Variants in RNF19A observed in about 807,000 individuals in gnomAD.
RNF19A encodes the protein ring finger protein 19A, RBR E3 ubiquitin protein ligase.
RNF19A carries 32 observed loss-of-function variants against 75.7 expected under a neutral mutation model. The observed-to-expected ratio is 0.42, with a 90% CI of 0.32 to 0.57. The LOEUF (loss-of-function observed/expected upper bound fraction) is 0.57. Ranked by LOEUF, RNF19A falls within the 20% of genes least tolerant of loss-of-function variation. The probability of loss-of-function intolerance (pLI) is 0.10; values close to 1 mark genes in which losing one functional copy is unlikely to be tolerated. For synonymous variants in RNF19A, 335 were observed against 345.2 expected, an observed-to-expected ratio of 0.97 and a Z score of 0.33; for missense variants, 782 against 1,036.3, an observed-to-expected ratio of 0.75 and a Z score of 3.37.
chr8:100,306,935 T>C (rs923317511), intron 1 of RNF19A, among the ~76,000 whole-genome samples: 6 of 152,354 alleles, frequency 3.9e-5, no homozygotes, highest in Non-Finnish European at 7.4e-5. Context: ...TTTTGATAAA[T>C]AGCTTTTAAG....
At position 100,259,867 on chromosome 8, in the gene RNF19A, T is replaced by G; in HGVS notation, c.1813A>C (p.Ile605Leu). Reference sequence around the variant, plus strand: ...TTTTTTCCTTACTTGTCCAATGGGATGTAGGAATTCAGAATGGATCCTGCC... The same window carrying G: ...TTTTTTCCTTACTTGTCCAATGGGAGGTAGGAATTCAGAATGGATCCTGCC... Reference protein sequence around the residue: ...AMAGSILNSYIPLDKEGNSME... With the variant: ...AMAGSILNSYLPLDKEGNSME... Residue 605 changes from isoleucine to leucine, a missense_variant, in exon 9 of 10, where the codon ATC (isoleucine) becomes CTC (leucine). By Grantham distance (5) the Ile-to-Leu change is conservative. This residue lies in a region of RNF19A where 442 missense variants were observed against 541.6 expected (regional missense o/e 0.82). Coordinates refer to ENST00000341084, the MANE Select transcript of RNF19A (RefSeq NM_183419.4). This position sits in a 1 kb window ranked among gnomAD's most constrained non-coding sequence, Gnocchi z 4.5. 6.2e-7 allele frequency: 1 copy of G among 1,612,626 alleles called. No homozygotes were observed. Among genetic ancestry groups the G allele is most frequent in the South Asian group, 1.1e-5 (1 of 90,760 alleles).
intron 1 of RNF19A, among the ~76,000 whole-genome samples, chr8:100,308,869 T>G (rs1822169962): frequency 6.6e-6 from 1 of 152,224 alleles, no homozygotes; most frequent in South Asian, 2.1e-4. Flanking sequence ...CAACAGAACA[T>G]TCTGCAACAC....
intron 1 of RNF19A, among the ~76,000 whole-genome samples, chr8:100,298,450 C>T (rs1821674380): frequency 6.6e-6 from 1 of 152,148 alleles, no homozygotes; most frequent in Admixed American, 6.5e-5. Flanking sequence ...GATAATTCAA[C>T]ATATCATTAG....
intron 1 of RNF19A, among the ~76,000 whole-genome samples, chr8:100,321,759 G>A (rs1822468816): frequency 6.6e-6 from 1 of 152,234 alleles, no homozygotes; most frequent in Non-Finnish European, 1.5e-5. Context: ...GCAGATGGAT[G>A]TTGGGTTAAC....
intron 1 of RNF19A, among the ~76,000 whole-genome samples, chr8:100,334,564 T>A (rs1346409092): frequency 6.6e-5 from 10 of 152,218 alleles, no homozygotes. Context: ...TTAAAAAATA[T>A]GGCTGCTCAC....
chr8:100,279,715 C>T (rs755870561), intron 2 of RNF19A, among the ~76,000 whole-genome samples: 6 of 152,054 alleles, frequency 3.9e-5, no homozygotes, highest in South Asian at 2.1e-4. Context: ...TTAGTAGACA[C>T]GGGGTTTTGC....
rs1820448296 is a variant in RNF19A at position 100,275,221 on chromosome 8, A to G, written c.675-60T>C. ...CATAAAACAAGAGATACTCATTTCA[A>G]AAAGTATCCAACTAAAGATTATTCC... On this transcript the variant is annotated intron_variant, in intron 2 of 9. Transcript: ENST00000341084. The surrounding 1 kb of genome is among the most constrained non-coding windows in gnomAD (Gnocchi z 4.3). 5 of 1,428,224 alleles carry G rather than the reference A, an allele frequency of 3.5e-6. No homozygotes were observed. In the South Asian group the frequency reaches 3.5e-5, roughly 10 times the overall value. The allele number at this position is 1,428,224 out of a possible 1,614,324, so 88.5% of individuals were successfully genotyped here.
chr8:100,296,465 TAGTAA>T (rs1299446481), intron 1 of RNF19A, among the ~76,000 whole-genome samples: 1 of 152,110 alleles, frequency 6.6e-6, no homozygotes, highest in Non-Finnish European at 1.5e-5. Flanking sequence ...TTCTACAGCC[TAGTAA>T]AGTAAAAATA....
Position 100,323,783 on chromosome 8 carries a change from A to G in RNF19A, c.-242-10411T>C, listed in dbSNP as rs1189061208. On this transcript the variant is annotated intron_variant, in intron 1 of 3. Coordinates refer to the RNF19A transcript ENST00000519527. This position sits in a 1 kb window ranked among gnomAD's most constrained non-coding sequence, Gnocchi z 4.6. Reference sequence around the variant, plus strand: ...GCTGATATTTAGGGCTGGAAGGGAAAATTTAGGGCCCTGTGTTAACTTGTT... The same window carrying G: ...GCTGATATTTAGGGCTGGAAGGGAAGATTTAGGGCCCTGTGTTAACTTGTT... Among the ~76,000 whole-genome samples, 1 of 152,200 alleles carries G rather than the reference A, an allele frequency of 6.6e-6. No individual in the cohort carries two copies. The highest frequency in any genetic ancestry group is 6.5e-5 in the Admixed American group (1 of 15,276).
chr8:100,288,274 A>C lies in RNF19A; in HGVS notation c.-93-7T>G. ...GACTGCTATCATGGATGTTCTGAAA[A>C]ATAAAAAATAAAAAAATCAAGATCA... On this transcript the variant is annotated splice_region_variant and splice_polypyrimidine_tract_variant and intron_variant, in intron 1 of 9. Transcript: ENST00000341084. 7.6e-7 allele frequency: 1 copy of C among 1,319,872 alleles called. No homozygotes were observed. The highest frequency in any genetic ancestry group is 9.7e-7 in the Non-Finnish European group (1 of 1,026,920). The allele number at this position is 1,319,872 out of a possible 1,614,324, so 81.8% of individuals were successfully genotyped here.
intron 1 of RNF19A, among the ~76,000 whole-genome samples, chr8:100,326,800 A>C (rs560446738): frequency 6.6e-6 from 1 of 152,268 alleles, no homozygotes; most frequent in Non-Finnish European, 1.5e-5. Context: ...GTCTGTATCA[A>C]ACACAAAACT....
chr8:100,327,245 C>T (rs368857214), intron 1 of RNF19A, among the ~76,000 whole-genome samples: 29 of 75,864 alleles, frequency 3.8e-4, no homozygotes, highest in South Asian at 1.2e-3. Flanking sequence ...GCAATTACTT[C>T]TTTTTTTTTT....
chr8:100,296,407 C>T (rs557745475), intron 1 of RNF19A, among the ~76,000 whole-genome samples: 6 of 152,242 alleles, frequency 3.9e-5, no homozygotes, highest in Admixed American at 1.3e-4. Flanking sequence ...GACCAGCCTC[C>T]GGGCATTATT....
At chr8:100,281,701 A>G (rs1334369898) in intron 2 of RNF19A, among the ~76,000 whole-genome samples, 2 of 152,212 alleles carry the variant, frequency 1.3e-5, no homozygotes, top group East Asian at 1.9e-4. Context: ...GTAAGTCCAA[A>G]ATAATTTTTT....
chr8:100,304,845 T>G (rs1822000791), intron 1 of RNF19A, among the ~76,000 whole-genome samples: 1 of 152,226 alleles, frequency 6.6e-6, no homozygotes, highest in Admixed American at 6.5e-5. Context: ...AATTAGAGGA[T>G]CTCTTTTATA....
chr8:100,327,763 C>A (rs1822554646), intron 1 of RNF19A, among the ~76,000 whole-genome samples: 1 of 152,124 alleles, frequency 6.6e-6, no homozygotes, highest in South Asian at 2.1e-4. Context: ...ACAAAAAGGG[C>A]ATCACACAAA....
At chr8:100,288,916 C>T (rs193192092) in intron 1 of RNF19A, among the ~76,000 whole-genome samples, 3 of 151,948 alleles carry the variant, frequency 2.0e-5, no homozygotes, top group East Asian at 1.9e-4. Flanking sequence ...AAAAACTAGC[C>T]GGGTGTGGTG....
chr8:100,305,014 C>T (rs1822008228), intron 1 of RNF19A, among the ~76,000 whole-genome samples: 1 of 152,182 alleles, frequency 6.6e-6, no homozygotes, highest in Non-Finnish European at 1.5e-5. Flanking sequence ...CAGCTCACTG[C>T]AACCTCTACC....
intron 1 of RNF19A, chr8:100,303,441 T>TG (rs1219405611): frequency 1.3e-5 from 2 of 152,172 alleles, no homozygotes; most frequent in Non-Finnish European, 2.9e-5. Flanking sequence ...GATTCTTAAC[T>TG]TAATTACATC....
Sources: gnomAD v4.1 joint callset for allele counts (sites outside exome capture counted in the v4.1 genomes callset) on GRCh38, gnomAD v4.1.1 for gene constraint, gnomAD v4.1.1 regional missense constraint, Gnocchi (gnomAD v3.1) non-coding constraint, MANE v1.5 for transcripts, NCBI Gene and HGNC (gene_info 2026-07-23, HGNC 2026-07-21) for gene names.